Variants in PTPRJ observed in about 807,000 individuals in gnomAD.
The protein encoded by PTPRJ is protein tyrosine phosphatase receptor type J, also known as receptor-type tyrosine-protein phosphatase eta.
In PTPRJ, 129 loss-of-function variants were observed where a neutral mutation model predicts 141.3. The ratio of observed to expected loss-of-function variants is 0.91; its 90% CI spans 0.79 to 1.06. The LOEUF (loss-of-function observed/expected upper bound fraction) is 1.06, where lower values mean the gene tolerates loss of function less well. Among genes scored for constraint, PTPRJ ranks in the 50% least tolerant of loss-of-function variants. The pLI is 0.00. For missense variants in PTPRJ, 1,601 were observed against 1,679.7 expected, an observed-to-expected ratio of 0.95 and a Z score of 0.82; for synonymous variants, 610 against 640.5, an observed-to-expected ratio of 0.95 and a Z score of 0.72.
At chr11:48,006,786 G>A (rs540826102) in intron 1 of PTPRJ, among the ~76,000 whole-genome samples, 8 of 152,216 alleles carry the variant, frequency 5.3e-5, no homozygotes, top group Admixed American at 5.2e-4. Context: ...GCTTGCCTGG[G>A]TTTTGTAAAA....
Position 48,112,744 on chromosome 11 carries a change from T to G in PTPRJ, c.116-3T>G. Reference sequence around the variant, plus strand: ...AATCTAATTGTTTACTTTCTTTGCATAGCCCCTAGTCCAATTCCTGACCCT... The same window carrying G: ...AATCTAATTGTTTACTTTCTTTGCAGAGCCCCTAGTCCAATTCCTGACCCT... On this transcript the variant is annotated splice_region_variant and splice_polypyrimidine_tract_variant and intron_variant, in intron 2 of 24. Transcript: ENST00000418331. 6.2e-7 allele frequency: 1 copy of G among 1,601,896 alleles called. No homozygotes were observed. Among genetic ancestry groups the G allele is most frequent in the Non-Finnish European group, 8.6e-7 (1 of 1,169,016 alleles).
intron 1 of PTPRJ, among the ~76,000 whole-genome samples, chr11:47,983,805 A>G (rs894708099): frequency 5.9e-5 from 9 of 152,118 alleles, no homozygotes; most frequent in South Asian, 2.1e-4. Flanking sequence ...AAAAGAATAA[A>G]TGAAAAAAAA....
intron 1 of PTPRJ, among the ~76,000 whole-genome samples, chr11:48,025,034 C>G (rs1486261333): frequency 6.6e-6 from 1 of 152,212 alleles, no homozygotes; most frequent in Non-Finnish European, 1.5e-5. Flanking sequence ...TCTGGCAGGC[C>G]TGAGAGTATA....
At chr11:48,002,176 C>T (rs1300219639) in intron 1 of PTPRJ, among the ~76,000 whole-genome samples, 2 of 143,786 alleles carry the variant, frequency 1.4e-5, no homozygotes, top group Non-Finnish European at 3.0e-5. Context: ...CTCGCTCTGT[C>T]ACCCAGGCTG....
chr11:48,016,184 C>A (rs1348718490), intron 1 of PTPRJ, among the ~76,000 whole-genome samples: 1 of 152,172 alleles, frequency 6.6e-6, no homozygotes, highest in East Asian at 1.9e-4. Flanking sequence ...TTGGTGAGGG[C>A]TGTTCAGCCT....
chr11:48,027,930 C>T (rs1289633105), intron 1 of PTPRJ, among the ~76,000 whole-genome samples: 1 of 151,944 alleles, frequency 6.6e-6, no homozygotes, highest in African/African-American at 2.4e-5. Context: ...CCCAAGTTTG[C>T]CTGCATCCAG....
intron 1 of PTPRJ, among the ~76,000 whole-genome samples, chr11:48,069,208 T>C (rs1855168870): frequency 6.6e-6 from 1 of 151,760 alleles, no homozygotes; most frequent in South Asian, 2.1e-4. Context: ...AAAGCGATTC[T>C]CCTGCCTCAG....
chr11:48,153,849 G>T lies in PTPRJ; in HGVS notation c.3192G>T (p.Glu1064Asp), dbSNP rs1156834788. ...SQPKYAAELA[E>D]NRGKNRYNNV... ...CTAAATATGCAGCAGAACTGGCTGA[G>T]AATAGAGGAAAGAATCGCTATAATA... The change falls in exon 19 of 25, where the codon GAG becomes GAT. Residue 1064 changes from glutamate to aspartate, a missense_variant. Glu to Asp is a conservative substitution (Grantham distance 45). Coordinates refer to ENST00000418331, the MANE Select transcript of PTPRJ (RefSeq NM_002843.4). 5 of 1,613,680 alleles carry T rather than the reference G, an allele frequency of 3.1e-6. No homozygotes were observed. Among genetic ancestry groups the T allele is most frequent in the Non-Finnish European group, 4.2e-6 (5 of 1,179,710 alleles).
intron 1 of PTPRJ, among the ~76,000 whole-genome samples, chr11:47,989,565 A>G (rs927423594): frequency 6.6e-6 from 1 of 152,012 alleles, no homozygotes; most frequent in Admixed American, 6.6e-5. Flanking sequence ...GGCGTGAGCC[A>G]CTGTGCCAGG....
chr11:48,109,744 T>C (rs527475719), intron 1 of PTPRJ, among the ~76,000 whole-genome samples: 1 of 139,488 alleles, frequency 7.2e-6, no homozygotes, highest in African/African-American at 2.7e-5. Context: ...TGGAGGGAGG[T>C]GCTGACCTGG....
chr11:48,044,462 T>C (rs1381164988), intron 1 of PTPRJ, among the ~76,000 whole-genome samples: 2 of 152,168 alleles, frequency 1.3e-5, no homozygotes, highest in African/African-American at 4.8e-5. Context: ...TCAGCAGGAC[T>C]CTAAGGGATC....
Position 48,167,523 on chromosome 11 carries a change from C to T in PTPRJ, c.*161C>T. The T allele has an allele frequency of 1.3e-6, 1 of 778,808 alleles. No homozygotes were observed. The highest frequency in any genetic ancestry group is 1.9e-6 in the Non-Finnish European group (1 of 528,244). The allele number at this position is 778,808 out of a possible 1,614,324, so 48.2% of individuals were successfully genotyped here. A position where few individuals can be genotyped will look rare whatever the true frequency, so the allele number is the denominator to read the frequency against. ...GCATGAAGCTGCATATGATAGATGACAAATTGGGGCTGTCGGGGGCTGTGG... is the reference window on the plus strand; with the variant it reads ...GCATGAAGCTGCATATGATAGATGATAAATTGGGGCTGTCGGGGGCTGTGG... On this transcript the variant is annotated 3_prime_UTR_variant, in exon 25 of 25. Transcript: ENST00000418331.
rs1410825775 is a variant in PTPRJ, at chr11:48,143,159, C to T, written c.2575+109C>T. On this transcript the variant is annotated intron_variant, in intron 12 of 24. Coordinates refer to ENST00000418331, the MANE Select transcript of PTPRJ (RefSeq NM_002843.4). ...TAATGCAGACACACGCCTGTCTTCT[C>T]ACTGCAGCCTATGCTGTGTACTCAG... is the stretch of plus-strand genomic sequence containing the variant. 4 of 1,388,506 alleles carry T rather than the reference C, an allele frequency of 2.9e-6. No individual in the cohort carries two copies. In the East Asian group the frequency reaches 9.4e-5, roughly 33 times the overall value. The allele number at this position is 1,388,506 out of a possible 1,614,324, so 86.0% of individuals were successfully genotyped here.
At chr11:48,050,737 A>G (rs1287966426) in intron 1 of PTPRJ, among the ~76,000 whole-genome samples, 1 of 152,146 alleles carries the variant, frequency 6.6e-6, no homozygotes, top group Non-Finnish European at 1.5e-5. Context: ...TTCTGATGAT[A>G]AAATTAGATA....
chr11:48,055,143 G>A (rs1012793910), intron 1 of PTPRJ, among the ~76,000 whole-genome samples: 4 of 152,024 alleles, frequency 2.6e-5, no homozygotes, highest in East Asian at 1.9e-4. Context: ...CTGTGATTGC[G>A]CCACTGCACT....
chr11:48,053,568 T>C (rs945643803), intron 1 of PTPRJ, among the ~76,000 whole-genome samples: 1 of 135,712 alleles, frequency 7.4e-6, no homozygotes, highest in African/African-American at 2.8e-5. Context: ...AATTTATATA[T>C]ATATAAAACT....
intron 1 of PTPRJ, among the ~76,000 whole-genome samples, chr11:48,091,133 C>T (rs1316313395): frequency 6.6e-6 from 1 of 152,074 alleles, no homozygotes; most frequent in African/African-American, 2.4e-5. Flanking sequence ...ACAGTTGTGC[C>T]CCGAGGAGGA....
intron 9 of PTPRJ, 93 bp from the exon 10 acceptor site, chr11:48,136,910 A>C (rs1273244034): frequency 7.6e-7 from 1 of 1,323,468 alleles, no homozygotes; most frequent in African/African-American, 1.5e-5. Flanking sequence ...ATTCTTTCTA[A>C]AACGAGCCAG....
chr11:48,053,376 T>A (rs868248134), intron 1 of PTPRJ, among the ~76,000 whole-genome samples: 8 of 98,502 alleles, frequency 8.1e-5, no homozygotes, highest in African/African-American at 3.2e-4. Flanking sequence ...ATAATATATA[T>A]AAAATATATA....
Sources: allele counts gnomAD v4.1 joint callset (sites outside exome capture counted in the v4.1 genomes callset), GRCh38; gene constraint gnomAD v4.1.1; transcripts MANE v1.5; gene names NCBI Gene and HGNC (gene_info 2026-07-23, HGNC 2026-07-21).